The following CAPZB variants were observed in gnomAD, a reference collection of about 807,000 sequenced individuals.
CAPZB encodes the protein F-actin-capping protein subunit beta.
A neutral mutation model predicts 38.1 loss-of-function variants in CAPZB; 2 were observed. That is an observed-to-expected ratio of 0.05 (90% CI 0.02 to 0.17). CAPZB has a LOEUF of 0.17. Among genes scored for constraint, CAPZB ranks in the 10% least tolerant of loss-of-function variants. CAPZB has a pLI of 1.00. For synonymous variants in CAPZB, 107 were observed against 127.4 expected (o/e 0.84, Z 1.08); for missense variants, 161 against 334.2 (o/e 0.48, Z 4.04).
In CAPZB at chr1:19,385,031, G is replaced by A. The variant is rs530315355; in HGVS notation, c.215+474C>T. ...GTCAACTTAGTTATTTACAGCCTTG[G>A]GCGAGGTGACGGAAAGAGAGAGGAG... is the stretch of plus-strand genomic sequence containing the variant. On this transcript the variant is annotated intron_variant, in intron 3 of 8. Transcript: ENST00000264202. Among the ~76,000 whole-genome samples the A allele has an allele frequency of 2.9e-4, 44 of 152,262 alleles. No individual in the cohort carries two copies. The South Asian group carries it at 8.7e-3, about 30-fold the overall frequency.
intron 2 of CAPZB, among the ~76,000 whole-genome samples, chr1:19,399,971 TG>T (rs2094294091): frequency 6.6e-6 from 1 of 152,122 alleles, no homozygotes; most frequent in South Asian, 2.1e-4. Context: ...AGGACACAGA[TG>T]CAAGCAGCTG....
At chr1:19,366,010 G>C (rs1257444269) in intron 4 of CAPZB, among the ~76,000 whole-genome samples, 2 of 151,992 alleles carry the variant, frequency 1.3e-5, no homozygotes, top group East Asian at 3.9e-4. Context: ...CTGGTGCTAA[G>C]CTAGGAACCT....
intron 1 of CAPZB, among the ~76,000 whole-genome samples, chr1:19,450,301 A>G (rs2094511893): frequency 1.3e-5 from 2 of 152,128 alleles, no homozygotes; most frequent in Admixed American, 1.3e-4. Context: ...ATTTTTTCCA[A>G]TTTTGAAATA....
rs2094027480 is a variant in CAPZB at position 19,357,374 on chromosome 1, G to A, written c.471+48C>T. 6.3e-7 allele frequency: 1 copy of A among 1,590,130 alleles called. No homozygotes were observed. The highest frequency in any genetic ancestry group is 8.6e-7 in the Non-Finnish European group (1 of 1,160,436). On this transcript the variant is annotated intron_variant, in intron 5 of 8. Transcript: ENST00000264202. This position sits in a 1 kb window ranked among gnomAD's most constrained non-coding sequence, Gnocchi z 4.3. ...AGAGCAGCGCGGCACTGGTTGGTGT[G>A]CCATCTGTACTTAGTGGCCCGGGCC... is the stretch of plus-strand genomic sequence containing the variant.
intron 1 of CAPZB, among the ~76,000 whole-genome samples, chr1:19,427,549 T>C (rs1218335783): frequency 6.6e-6 from 1 of 152,262 alleles, no homozygotes; most frequent in African/African-American, 2.4e-5. Flanking sequence ...GAACAGTTTG[T>C]GCTGGGGGCG....
At chr1:19,358,852 CA>C (rs1423322472) in intron 4 of CAPZB, among the ~76,000 whole-genome samples, 3 of 152,196 alleles carry the variant, frequency 2.0e-5, no homozygotes, top group African/African-American at 7.2e-5. Context: ...CAGCCCTGGA[CA>C]GCTGGGAAGG....
At chr1:19,416,037 T>A (rs753164300) in intron 2 of CAPZB, among the ~76,000 whole-genome samples, 3 of 152,212 alleles carry the variant, frequency 2.0e-5, no homozygotes, top group Non-Finnish European at 4.4e-5. Context: ...AGGCCCCAGG[T>A]GGCCTCCACA....
At chr1:19,467,440 CG>C (rs1312845164) in intron 1 of CAPZB, among the ~76,000 whole-genome samples, 1 of 152,132 alleles carries the variant, frequency 6.6e-6, no homozygotes, top group Non-Finnish European at 1.5e-5. Context: ...GCAGAGGACA[CG>C]GATGTGCCAC....
chr1:19,418,946 C>T (rs939485300), intron 2 of CAPZB, among the ~76,000 whole-genome samples: 5 of 152,234 alleles, frequency 3.3e-5, no homozygotes, highest in African/African-American at 1.2e-4. Flanking sequence ...ACTCACGTTC[C>T]AAACCCAGCA....
At chr1:19,468,113 G>C (rs1018145093) in intron 1 of CAPZB, among the ~76,000 whole-genome samples, 3 of 152,144 alleles carry the variant, frequency 2.0e-5, no homozygotes, top group Non-Finnish European at 4.4e-5. Context: ...CTAAAAAAGG[G>C]GGCTAGGCAC....
Position 19,371,596 on chromosome 1 carries a change from G to A in CAPZB, c.329+6944C>T, listed in dbSNP as rs76915211. On this transcript the variant is annotated intron_variant, in intron 4 of 8. Coordinates refer to ENST00000264202, the MANE Select transcript of CAPZB (RefSeq NM_004930.5). The stretch of plus-strand genomic sequence containing the variant: ...TTAAAGCCAAGGTCCTCTCCATTCC[G>A]TGGCTGGGCCTCAGACGCCATGGGT... 9.8e-3 allele frequency among the ~76,000 whole-genome samples: 1,497 copies of A among 152,290 alleles called. 64 individuals are homozygous for A. The East Asian group carries it at 0.14, about 14-fold the overall frequency.
chr1:19,339,680 G>A, intron 8 of CAPZB, 63 bp from the exon 9 acceptor site: 1 of 1,236,434 alleles, frequency 8.1e-7, no homozygotes, highest in Non-Finnish European at 1.2e-6. Context: ...GTGGAGGCCT[G>A]GGGGCCACCA....
intron 2 of CAPZB, among the ~76,000 whole-genome samples, chr1:19,398,681 A>G (rs2094286165): frequency 6.6e-6 from 1 of 151,840 alleles, no homozygotes; most frequent in South Asian, 2.1e-4. Context: ...TGAGTCACCC[A>G]TAGAAACGAC....
intron 2 of CAPZB, among the ~76,000 whole-genome samples, chr1:19,416,247 AAC>A (rs765006128): frequency 1.3e-5 from 2 of 152,236 alleles, no homozygotes; most frequent in Non-Finnish European, 2.9e-5. Context: ...GAATTTAATT[AAC>A]AGTTTCTCTC....
At chr1:19,413,006 C>T (rs1050875801) in intron 2 of CAPZB, among the ~76,000 whole-genome samples, 3 of 152,194 alleles carry the variant, frequency 2.0e-5, no homozygotes, top group Non-Finnish European at 4.4e-5. Context: ...ACGAAAACCC[C>T]GGCACCTAGA....
intron 1 of CAPZB, among the ~76,000 whole-genome samples, chr1:19,423,109 C>T (rs2094408069): frequency 6.6e-6 from 1 of 152,124 alleles, no homozygotes; most frequent in South Asian, 2.1e-4. Context: ...AATACTACTA[C>T]AAAAGGATCT....
At chr1:19,365,838 AAG>A (rs869183989) in intron 4 of CAPZB, among the ~76,000 whole-genome samples, 6 of 146,466 alleles carry the variant, frequency 4.1e-5, no homozygotes, top group African/African-American at 8.2e-5. Context: ...CCGTCTCAAA[AAG>A]AAAAAAAGAA....
chr1:19,390,368 C>T (rs948120757), intron 2 of CAPZB, among the ~76,000 whole-genome samples: 1 of 152,258 alleles, frequency 6.6e-6, no homozygotes, highest in Admixed American at 6.5e-5. Flanking sequence ...GGTGCTGACA[C>T]GCGGCAGCCG....
At chr1:19,376,302 C>G (rs1387737044) in intron 4 of CAPZB, among the ~76,000 whole-genome samples, 1 of 152,214 alleles carries the variant, frequency 6.6e-6, no homozygotes, top group East Asian at 1.9e-4. Context: ...CTAGCAAACA[C>G]TTTCAAGGGG....
Sources: allele counts gnomAD v4.1 joint callset (sites outside exome capture counted in the v4.1 genomes callset), GRCh38; gene constraint gnomAD v4.1.1; non-coding constraint Gnocchi (gnomAD v3.1); transcripts MANE v1.5; gene names NCBI Gene and HGNC (gene_info 2026-07-23, HGNC 2026-07-21).